ADAMTS20: variants seen among roughly 807,000 people sequenced by gnomAD.
ADAMTS20 encodes ADAM metallopeptidase with thrombospondin type 1 motif 20, also known as A disintegrin and metalloproteinase with thrombospondin motifs 20.
Under a neutral mutation model 260.1 loss-of-function variants are expected in ADAMTS20, and 225 were observed. That is an observed-to-expected ratio of 0.87 (90% CI 0.78 to 0.97). ADAMTS20 has a LOEUF of 0.97. Ranked by LOEUF, ADAMTS20 falls within the 50% of genes least tolerant of loss-of-function variation. The pLI, the probability that ADAMTS20 is intolerant of heterozygous loss-of-function variation, is 0.00. For missense variants in ADAMTS20, 2,400 were observed against 2,337.7 expected, an observed-to-expected ratio of 1.03 and a Z score of -0.55; for synonymous variants, 802 against 769.5, an observed-to-expected ratio of 1.04 and a Z score of -0.70.
At chr12:43,466,486 C>G (rs1309319511) in intron 9 of ADAMTS20, among the ~76,000 whole-genome samples, 166 bp downstream of exon 9, 4 of 151,556 alleles carry the variant, frequency 2.6e-5, no homozygotes, top group Admixed American at 2.6e-4. Flanking sequence ...TATATATGTA[C>G]ACATGAACAC....
At chr12:43,438,325 C>T (rs1941596074) in intron 18 of ADAMTS20, among the ~76,000 whole-genome samples, 1 of 152,174 alleles carries the variant, frequency 6.6e-6, no homozygotes, top group South Asian at 2.1e-4. Flanking sequence ...TGAGCTTACC[C>T]ACTCAAGTTG....
At chr12:43,353,359 A>G (rs1939673891), downstream of ADAMTS20, among the ~76,000 whole-genome samples, 2 of 152,134 alleles carry the variant, frequency 1.3e-5, no homozygotes, top group East Asian at 1.9e-4. Context: ...CACATATTTA[A>G]TTAATAGAAT....
chr12:43,460,697 GA>G (rs1942043463), intron 11 of ADAMTS20, among the ~76,000 whole-genome samples: 1 of 151,854 alleles, frequency 6.6e-6, no homozygotes, highest in African/African-American at 2.4e-5. Context: ...ATTGACAGGA[GA>G]ATTGATAAAT....
intron 7 of ADAMTS20, among the ~76,000 whole-genome samples, chr12:43,483,756 C>A (rs1271177647): frequency 6.6e-6 from 1 of 152,136 alleles, no homozygotes; most frequent in Non-Finnish European, 1.5e-5. Flanking sequence ...GCTTCCCCAG[C>A]CTGCTCTGTC....
chr12:43,490,529 A>G (rs1942584920), intron 6 of ADAMTS20, 94 bp from the exon 7 acceptor site: 13 of 550,698 alleles, frequency 2.4e-5, no homozygotes, highest in East Asian at 7.3e-5. Flanking sequence ...TGACATGACT[A>G]CTACCACAAA....
At chr12:43,450,847 T>A (rs1941852268) in intron 14 of ADAMTS20, among the ~76,000 whole-genome samples, 1 of 152,126 alleles carries the variant, frequency 6.6e-6, no homozygotes, top group South Asian at 2.1e-4. Flanking sequence ...AACAAATGCA[T>A]AACCTCACAT....
intron 4 of ADAMTS20, among the ~76,000 whole-genome samples, chr12:43,496,882 T>A (rs1256769110): frequency 6.6e-6 from 1 of 152,106 alleles, no homozygotes; most frequent in Non-Finnish European, 1.5e-5. Context: ...GAGACAGAGA[T>A]ATTATATACA....
chr12:43,490,286 T>C, intron 7 of ADAMTS20, 109 bp downstream of exon 7: 2 of 568,486 alleles, frequency 3.5e-6, no homozygotes, highest in Non-Finnish European at 5.9e-6. Flanking sequence ...ATCAAGATAA[T>C]TAATCAAAAT....
At chr12:43,425,465 A>C (rs1941313699) in intron 28 of ADAMTS20, 49 bp downstream of exon 28, 4 of 1,381,234 alleles carry the variant, frequency 2.9e-6, no homozygotes, top group Non-Finnish European at 3.8e-6. Context: ...CCTCACTCAG[A>C]CTCAAACTTT....
intron 29 of ADAMTS20, among the ~76,000 whole-genome samples, chr12:43,386,589 T>C (rs1048213818): frequency 6.6e-6 from 1 of 152,214 alleles, no homozygotes; most frequent in Admixed American, 6.5e-5. Flanking sequence ...CTTTCCAACT[T>C]GGTTCCATTC....
At chr12:43,519,652 T>A (rs1214288954) in intron 3 of ADAMTS20, among the ~76,000 whole-genome samples, 1 of 152,164 alleles carries the variant, frequency 6.6e-6, no homozygotes, top group Non-Finnish European at 1.5e-5. Context: ...CTTCTGGCTT[T>A]CCTTCTCATT....
chr12:43,380,605 C>A (rs1433561085), intron 31 of ADAMTS20, among the ~76,000 whole-genome samples: 1 of 152,010 alleles, frequency 6.6e-6, no homozygotes, highest in African/African-American at 2.4e-5. Flanking sequence ...AATTCTATTT[C>A]TATACACAAG....
intron 2 of ADAMTS20, among the ~76,000 whole-genome samples, chr12:43,541,101 T>C (rs911527349): frequency 2.0e-5 from 3 of 152,198 alleles, no homozygotes. Context: ...CTTTGAACTC[T>C]TTTCCCAAAT....
intron 33 of ADAMTS20, 83 bp downstream of exon 33, chr12:43,376,441 G>A (rs917548965): frequency 2.0e-6 from 3 of 1,479,536 alleles, no homozygotes; most frequent in South Asian, 1.3e-5. Context: ...GTTTTGTGGA[G>A]TGTGAAACTA....
chr12:43,441,437 A>G lies in ADAMTS20; in HGVS notation c.2291-1368T>C, dbSNP rs530435504. 6.6e-5 allele frequency among the ~76,000 whole-genome samples: 10 copies of G among 150,944 alleles called. 2 individuals carry two copies. Among genetic ancestry groups the G allele is most frequent in the Admixed American group, 1.3e-4 (2 of 15,076 alleles). ...AATCATGCGTAGTAAAAAGAAATCA[A>G]TGTGGGATAAAAACAATGGATTTAA... On this transcript the variant is annotated intron_variant, in intron 16 of 38. Coordinates refer to ENST00000389420, the MANE Select transcript of ADAMTS20 (RefSeq NM_025003.5).
At position 43,383,603 on chromosome 12, in the gene ADAMTS20, C is replaced by G; in HGVS notation, c.4752G>C (p.Arg1584Ser). 1 of 1,613,544 alleles carries G rather than the reference C, an allele frequency of 6.2e-7. No homozygotes were observed. The highest frequency in any genetic ancestry group is 8.5e-7 in the Non-Finnish European group (1 of 1,179,716). ...CCACAATGTAATTGCAAGGAGGGTT[C>G]CTGCAATTCTTGGATGTAAGAGATA... ...STISLTSKNC[R>S]NPPCNYIVVT... The change falls in exon 31 of 39, where the codon AGG becomes AGC. Residue 1584 changes from arginine (R) to serine (S), a missense_variant. By Grantham distance (110) the Arg-to-Ser change is moderately radical (BLOSUM62 -1). Coordinates refer to ENST00000389420, the MANE Select transcript of ADAMTS20 (RefSeq NM_025003.5).
chr12:43,393,491 C>T lies in ADAMTS20; in HGVS notation c.4452+5575G>A, dbSNP rs186736173. 2.6e-5 allele frequency among the ~76,000 whole-genome samples: 4 copies of T among 152,126 alleles called. No homozygotes were observed. The East Asian group carries it at 7.7e-4, about 29-fold the overall frequency. On this transcript the variant is annotated intron_variant, in intron 29 of 38. Transcript: ENST00000389420. ...GATTAGGTAAATTTTAGCGAATCCACAGGTACTGTAACCATTATAGCTATT... is the reference window on the plus strand; with the variant it reads ...GATTAGGTAAATTTTAGCGAATCCATAGGTACTGTAACCATTATAGCTATT...
Position 43,443,777 on chromosome 12 carries a change from C to A in ADAMTS20, c.2290+14G>T. On this transcript the variant is annotated intron_variant, in intron 16 of 38. Coordinates refer to ENST00000389420, the MANE Select transcript of ADAMTS20 (RefSeq NM_025003.5). The stretch of plus-strand genomic sequence containing the variant: ...TAAGCCACATACTGGCTGTTGTTTA[C>A]GAGAAATGTTTACCAAGGTAACTGT... The A allele has an allele frequency of 6.2e-7, 1 of 1,605,270 alleles. No individual in the cohort carries two copies. The highest frequency in any genetic ancestry group is 8.5e-7 in the Non-Finnish European group (1 of 1,172,538).
chr12:43,540,896 T>G (rs1002459060), intron 2 of ADAMTS20, among the ~76,000 whole-genome samples: 1 of 152,220 alleles, frequency 6.6e-6, no homozygotes, highest in African/African-American at 2.4e-5. Flanking sequence ...CTCCAATTTA[T>G]TATCATAGGC....
Sources: gnomAD v4.1 joint callset for allele counts (sites outside exome capture counted in the v4.1 genomes callset) on GRCh38, gnomAD v4.1.1 for gene constraint, MANE v1.5 for transcripts, NCBI Gene and HGNC (gene_info 2026-07-23, HGNC 2026-07-21) for gene names.